Variants in ZRANB1 observed in about 807,000 individuals in gnomAD.
The protein encoded by ZRANB1 is zinc finger RANBP2-type containing 1.
ZRANB1 carries 16 observed loss-of-function variants against 80.5 expected under a neutral mutation model. The ratio of observed to expected loss-of-function variants is 0.20; its 90% CI spans 0.13 to 0.30. The LOEUF (loss-of-function observed/expected upper bound fraction) is 0.30. ZRANB1 is among the 10% of genes least tolerant of loss of function. The pLI, the probability that ZRANB1 is intolerant of heterozygous loss-of-function variation, is 1.00. For missense variants in ZRANB1, 576 were observed against 862.6 expected, an observed-to-expected ratio of 0.67 and a Z score of 4.16; for synonymous variants, 291 against 293.1, an observed-to-expected ratio of 0.99 and a Z score of 0.07.
chr10:124,962,459 A>G, intron 1 of ZRANB1: 6 of 938,626 alleles, frequency 6.4e-6, no homozygotes, highest in Non-Finnish European at 7.6e-6. Flanking sequence ...AAAGTTAATA[A>G]CCATTATAAT....
chr10:124,955,110 C>T (rs539832407), intron 1 of ZRANB1, among the ~76,000 whole-genome samples: 73 of 151,586 alleles, frequency 4.8e-4, no homozygotes, highest in African/African-American at 1.4e-3. Context: ...GCCTGGGCCA[C>T]GGAGACTCTG....
the ZRANB1 span, among the ~76,000 whole-genome samples, chr10:124,926,104 A>T: frequency 6.6e-6 from 1 of 152,244 alleles, no homozygotes; most frequent in East Asian, 1.9e-4. Context: ...AAGATAAAAA[A>T]TGGTACACCT....
chr10:124,918,409 C>T, the ZRANB1 span, among the ~76,000 whole-genome samples: 1 of 152,172 alleles, frequency 6.6e-6, no homozygotes, highest in Non-Finnish European at 1.5e-5. Context: ...AGGCTGGTCT[C>T]GCACCTCTGA....
chr10:124,934,333 CTT>C, the ZRANB1 span, among the ~76,000 whole-genome samples: 4 of 152,230 alleles, frequency 2.6e-5, no homozygotes, highest in African/African-American at 9.6e-5. Flanking sequence ...ATAGTGACCT[CTT>C]TTTATAGGAA....
chr10:124,923,291 CA>C, the ZRANB1 span, among the ~76,000 whole-genome samples: 1 of 148,222 alleles, frequency 6.7e-6, no homozygotes, highest in African/African-American at 2.6e-5. Context: ...AACAAACAAA[CA>C]AAAAAAACAA....
intron 2 of ZRANB1, 23 bp from the exon 3 acceptor site, chr10:124,971,942 G>T: frequency 6.5e-7 from 1 of 1,548,988 alleles, no homozygotes; most frequent in South Asian, 1.3e-5. Context: ...TGAGATGAGA[G>T]GAAGGTTTCT....
chr10:124,949,853 T>C (rs1951621241), intron 1 of ZRANB1, among the ~76,000 whole-genome samples: 1 of 152,190 alleles, frequency 6.6e-6, no homozygotes, highest in Admixed American at 6.5e-5. Flanking sequence ...TATGAACAGC[T>C]TTCACTATAG....
chr10:124,937,267 A>C (rs528225697), upstream of ZRANB1, among the ~76,000 whole-genome samples: 2 of 146,384 alleles, frequency 1.4e-5, no homozygotes, highest in African/African-American at 2.5e-5. Context: ...GCTCGCTGCA[A>C]CCTCCACCTC....
chr10:124,937,109 T>C, the ZRANB1 span, among the ~76,000 whole-genome samples: 29 of 152,106 alleles, frequency 1.9e-4, no homozygotes, highest in African/African-American at 6.0e-4. Flanking sequence ...CTTCTCATCA[T>C]TTGAAACTAC....
rs1295268779 is a variant in ZRANB1, at chr10:124,986,285, G to GCACACACACACA, written c.*1294_*1295insACACACACACAC. On this transcript the variant is annotated 3_prime_UTR_variant, in exon 9 of 9. Coordinates refer to ENST00000359653, the MANE Select transcript of ZRANB1 (RefSeq NM_017580.3). ...TTGGAAAGACGACACACGCACGCGC[G>GCACACACACACA]CGCGCGCACACACACACACACACAC... 1.0e-3 allele frequency: 60 copies of GCACACACACACA among 57,838 alleles called. No homozygotes were observed. The highest frequency in any genetic ancestry group is 3.2e-3 in the African/African-American group (57 of 17,918). 3.6% of individuals were successfully genotyped at this position (57,838 alleles called of 1,614,324 possible).
At chr10:124,952,993 C>T (rs1589843635) in intron 1 of ZRANB1, among the ~76,000 whole-genome samples, 1 of 151,722 alleles carries the variant, frequency 6.6e-6, no homozygotes, top group African/African-American at 2.4e-5. Flanking sequence ...GGCGTGATCT[C>T]GGCTGACTGC....
rs1201180306 is a variant in ZRANB1, at chr10:124,983,040, T to A, written c.1549-135T>A. On this transcript the variant is annotated intron_variant, in intron 6 of 8. Coordinates refer to ENST00000359653, the MANE Select transcript of ZRANB1 (RefSeq NM_017580.3). This position sits in a 1 kb window ranked among gnomAD's most constrained non-coding sequence, Gnocchi z 6.2. ...TGGATTTATTATTTGAGGAATCAAA[T>A]GCTGCTTTGACAATCTTTTCTTTCT... 2 of 832,032 alleles carry A rather than the reference T, an allele frequency of 2.4e-6. No individual in the cohort carries two copies. The highest frequency in any genetic ancestry group is 3.6e-6 in the Non-Finnish European group (2 of 552,912). The allele number at this position is 832,032 out of a possible 1,614,324, so 51.5% of individuals were successfully genotyped here.
chr10:124,961,206 A>C (rs1179146535), intron 1 of ZRANB1, among the ~76,000 whole-genome samples: 1 of 151,934 alleles, frequency 6.6e-6, no homozygotes, highest in Admixed American at 6.6e-5. Flanking sequence ...GGGTTTCACC[A>C]TGTTGGCCAG....
At chr10:124,951,828 G>A (rs1401863444) in intron 1 of ZRANB1, among the ~76,000 whole-genome samples, 2 of 152,004 alleles carry the variant, frequency 1.3e-5, no homozygotes, top group Non-Finnish European at 2.9e-5. Context: ...GTGGTGGCGG[G>A]CATCTGTAAT....
At chr10:124,916,933 GCAGCGCCCGCGGCCGCCTCCCACACCT>G in the ZRANB1 span, among the ~76,000 whole-genome samples, 4 of 151,812 alleles carry the variant, frequency 2.6e-5, no homozygotes, top group African/African-American at 9.7e-5. Context: ...ATTAGGGTCC[GCAGCGCCCGCGGCCGCCTCCCACACCT>G]CAGTGCCCCC....
chr10:124,958,859 A>G (rs1466522977), intron 1 of ZRANB1, among the ~76,000 whole-genome samples: 4 of 152,198 alleles, frequency 2.6e-5, no homozygotes, highest in Non-Finnish European at 5.9e-5. Flanking sequence ...ATCAAGTTAC[A>G]TGAAATCTAT....
chr10:124,974,547 C>T (rs570843186), intron 5 of ZRANB1, 149 bp downstream of exon 5: 8 of 748,844 alleles, frequency 1.1e-5, no homozygotes, highest in African/African-American at 5.3e-5. Flanking sequence ...ACTTTGAACA[C>T]GTCCATGGTT....
At chr10:124,959,302 A>G (rs567565716) in intron 1 of ZRANB1, among the ~76,000 whole-genome samples, 83 of 152,316 alleles carry the variant, frequency 5.4e-4, no homozygotes, top group African/African-American at 1.9e-3. Context: ...AGACCAAGGC[A>G]TGTCAAATAA....
intron 8 of ZRANB1, chr10:124,984,561 T>C (rs1156595141): frequency 1.1e-5 from 6 of 539,282 alleles, no homozygotes; most frequent in Non-Finnish European, 1.6e-5. Flanking sequence ...TTAGTTTTTT[T>C]CTGAGAAATT....
Sources: gnomAD v4.1 joint callset for allele counts (sites outside exome capture counted in the v4.1 genomes callset) on GRCh38, gnomAD v4.1.1 for gene constraint, Gnocchi (gnomAD v3.1) non-coding constraint, MANE v1.5 for transcripts, NCBI Gene and HGNC (gene_info 2026-07-23, HGNC 2026-07-21) for gene names.